PLEKHG1: variants seen among roughly 807,000 people sequenced by gnomAD.
The protein encoded by PLEKHG1 is pleckstrin homology and RhoGEF domain containing G1.
PLEKHG1 carries 44 observed loss-of-function variants against 100.8 expected under a neutral mutation model. That is an observed-to-expected ratio of 0.44 (90% confidence interval 0.34 to 0.56). PLEKHG1 has a LOEUF of 0.56. Among genes scored for constraint, PLEKHG1 ranks in the 20% least tolerant of loss-of-function variants. The pLI, the probability that PLEKHG1 is intolerant of heterozygous loss-of-function variation, is 0.01. For synonymous variants in PLEKHG1, 640 were observed against 662.5 expected (o/e 0.97, Z 0.52); for missense variants, 1,545 against 1,720.9 (o/e 0.90, Z 1.81).
At chr6:150,682,802 C>T (rs1173465575) in intron 3 of PLEKHG1, among the ~76,000 whole-genome samples, 2 of 152,122 alleles carry the variant, frequency 1.3e-5, no homozygotes, top group Non-Finnish European at 2.9e-5. Flanking sequence ...TTTTCCCTTC[C>T]TATGCATGCC....
chr6:150,727,688 C>T (rs977075553), intron 1 of PLEKHG1, among the ~76,000 whole-genome samples: 5 of 152,052 alleles, frequency 3.3e-5, no homozygotes, highest in African/African-American at 1.2e-4. Context: ...CTCTAAGGTT[C>T]CTCTATGGAT....
rs190473118 is a variant in PLEKHG1, at chr6:150,705,791, T to C, written c.-98-27793T>C. Among the ~76,000 whole-genome samples the C allele has an allele frequency of 2.0e-3, 307 of 152,356 alleles. 2 individuals carry two copies. Among genetic ancestry groups the C allele is most frequent in the African/African-American group, 7.1e-3 (296 of 41,584 alleles). On this transcript the variant is annotated intron_variant, in intron 3 of 3. Transcript: ENST00000367326. ...ATTCTTCTTCAGAAAGACTTGGGTATGTCTACAAATCCTCTTGGAGGCCTC... is the reference window on the plus strand; with the variant it reads ...ATTCTTCTTCAGAAAGACTTGGGTACGTCTACAAATCCTCTTGGAGGCCTC...
At position 150,600,059 on chromosome 6, in the gene PLEKHG1, G is replaced by A; in HGVS notation, c.-204+42G>A. On this transcript the variant is annotated intron_variant, in intron 1 of 3. Transcript: ENST00000367326. This position sits in a 1 kb window ranked among gnomAD's most constrained non-coding sequence, Gnocchi z 6.2. The stretch of plus-strand genomic sequence containing the variant: ...CCCGGACGCCCTGGGGACTTTTCCA[G>A]GGATGGGAGGGGGGACCCGGGGACC... The A allele has an allele frequency of 5.3e-6, 1 of 187,362 alleles. No individual in the cohort carries two copies. Among genetic ancestry groups the A allele is most frequent in the Non-Finnish European group, 1.2e-5 (1 of 85,760 alleles). The allele number at this position is 187,362 out of a possible 1,614,324, so 11.6% of individuals were successfully genotyped here. A position where few individuals can be genotyped will look rare whatever the true frequency, so the allele number is the denominator to read the frequency against.
chr6:150,701,930 ACT>A (rs1038045304), intron 3 of PLEKHG1, among the ~76,000 whole-genome samples: 3 of 152,080 alleles, frequency 2.0e-5, no homozygotes, highest in African/African-American at 7.2e-5. Context: ...TCAAAAGGTA[ACT>A]CTGTCAAATG....
chr6:150,636,286 T>C (rs2128564730), intron 1 of PLEKHG1, among the ~76,000 whole-genome samples: 1 of 137,976 alleles, frequency 7.2e-6, no homozygotes, highest in Non-Finnish European at 1.6e-5. Flanking sequence ...AACTCATGAC[T>C]TTTTTTAAAA....
intron 14 of PLEKHG1, among the ~76,000 whole-genome samples, chr6:150,827,116 A>G (rs1350990283): frequency 6.7e-6 from 1 of 150,160 alleles, no homozygotes. Context: ...GCTGGTCTCT[A>G]GTTTCTGGGC....
chr6:150,810,551 GA>G lies in PLEKHG1; in HGVS notation c.1278+820del, dbSNP rs1562540389. On this transcript the variant is annotated intron_variant, in intron 10 of 15. Coordinates refer to ENST00000358517, the Ensembl canonical transcript of PLEKHG1. ...GAAAGAAAGAAAGGAAGAAAGGAAG[GA>G]AAGAAAGAAAGAAAATTGAGAGATA... Among the ~76,000 whole-genome samples, 847 of 129,158 alleles carry G rather than the reference GA, an allele frequency of 6.6e-3. 22 individuals are homozygous for G. The highest frequency in any genetic ancestry group is 0.02 in the African/African-American group (681 of 34,180). 84.7% of individuals were successfully genotyped at this position (129,158 alleles called of 152,430 possible).
In PLEKHG1 at chr6:150,837,709, A is replaced by C. The variant is rs538760017; in HGVS notation, c.3095-2124A>C. On this transcript the variant is annotated intron_variant, in intron 15 of 15. Transcript: ENST00000358517. Reference sequence around the variant, plus strand: ...GTCTGCTAACTAATGACTATATTAAAGGTCCAGCTGATTTTGATTGGGTTT... The same window carrying C: ...GTCTGCTAACTAATGACTATATTAACGGTCCAGCTGATTTTGATTGGGTTT... 1.3e-4 allele frequency among the ~76,000 whole-genome samples: 20 copies of C among 152,356 alleles called. 1 individual carries two copies. In the South Asian group the frequency reaches 4.1e-3, roughly 32 times the overall value.
chr6:150,652,483 G>A (rs1313674321), intron 3 of PLEKHG1, among the ~76,000 whole-genome samples: 4 of 152,108 alleles, frequency 2.6e-5, no homozygotes, highest in African/African-American at 9.7e-5. Flanking sequence ...AGCACTTTGG[G>A]AGGCCGAGGG....
chr6:150,744,572 T>G (rs1296546983), intron 2 of PLEKHG1, among the ~76,000 whole-genome samples: 5 of 152,348 alleles, frequency 3.3e-5, no homozygotes, highest in Admixed American at 2.0e-4. Context: ...AGCTCACATC[T>G]TTTCAGAGGT....
intron 4 of PLEKHG1, among the ~76,000 whole-genome samples, chr6:150,791,646 G>T (rs1436508220): frequency 6.6e-6 from 1 of 151,078 alleles, no homozygotes; most frequent in African/African-American, 2.4e-5. Context: ...TTCCAGCCTG[G>T]GTGGCAGAGC....
At position 150,818,346 on chromosome 6, in the gene PLEKHG1, A is replaced by G. The variant is rs906582567; in HGVS notation, c.1312+130A>G. On this transcript the variant is annotated intron_variant, in intron 11 of 15. Transcript: ENST00000358517. ...ATCTCTCTATTCACTGTTTTCACAA[A>G]TTGGGTAGACAGTATAATCCCTTCT... 3 of 735,430 alleles carry G rather than the reference A, an allele frequency of 4.1e-6. No individual in the cohort carries two copies. The East Asian group carries it at 7.6e-5, about 19-fold the overall frequency. The allele number at this position is 735,430 out of a possible 1,614,324, so 45.6% of individuals were successfully genotyped here. A position where few individuals can be genotyped will look rare whatever the true frequency, so the allele number is the denominator to read the frequency against.
At chr6:150,746,123 GGA>G (rs1357972248) in intron 2 of PLEKHG1, among the ~76,000 whole-genome samples, 1 of 152,122 alleles carries the variant, frequency 6.6e-6, no homozygotes, top group African/African-American at 2.4e-5. Context: ...TGCACTCAGG[GGA>G]GACCAAGATA....
At chr6:150,730,472 A>G (rs73608799) in intron 1 of PLEKHG1, among the ~76,000 whole-genome samples, 1 of 151,828 alleles carries the variant, frequency 6.6e-6, no homozygotes, top group Non-Finnish European at 1.5e-5. Flanking sequence ...TCGTGCTCCT[A>G]TGAGAATCTA....
chr6:150,661,116 G>A (rs1364930527), intron 3 of PLEKHG1, among the ~76,000 whole-genome samples: 1 of 152,172 alleles, frequency 6.6e-6, no homozygotes, highest in Non-Finnish European at 1.5e-5. Flanking sequence ...TTCTGTGAGC[G>A]AATTTGAATG....
At chr6:150,684,787 A>G (rs928062183) in intron 3 of PLEKHG1, among the ~76,000 whole-genome samples, 4 of 151,808 alleles carry the variant, frequency 2.6e-5, no homozygotes, top group African/African-American at 9.7e-5. Flanking sequence ...TCTTACAATA[A>G]GACAGGTTTG....
intron 2 of PLEKHG1, among the ~76,000 whole-genome samples, chr6:150,645,849 T>C (rs1417374525): frequency 1.3e-5 from 2 of 152,194 alleles, no homozygotes; most frequent in Admixed American, 6.5e-5. Context: ...AAGTTCACCA[T>C]GTGTATGATG....
rs551114635 is a variant in PLEKHG1 at position 150,671,879 on chromosome 6, G to T, written c.-99+21093G>T. 3.7e-4 allele frequency among the ~76,000 whole-genome samples: 56 copies of T among 152,290 alleles called. 1 individual carries two copies. Among genetic ancestry groups the T allele is most frequent in the Non-Finnish European group, 2.8e-4 (19 of 68,032 alleles). Reference sequence around the variant, plus strand: ...TGAGGACTAGCTCTTGCACAGCCTTGCAGACCATGTTAAGGAGTTTGGTTT... The same window carrying T: ...TGAGGACTAGCTCTTGCACAGCCTTTCAGACCATGTTAAGGAGTTTGGTTT... On this transcript the variant is annotated intron_variant, in intron 3 of 3. Transcript: ENST00000367326.
chr6:150,809,273 A>G (rs1384405102), exon 8 of PLEKHG1: 3 of 1,613,886 alleles, frequency 1.9e-6, no homozygotes, highest in Non-Finnish European at 2.5e-6. Flanking sequence ...GTTTACATAC[A>G]AAGCTCACAT....
Sources: allele counts gnomAD v4.1 joint callset (sites outside exome capture counted in the v4.1 genomes callset), GRCh38; gene constraint gnomAD v4.1.1; non-coding constraint Gnocchi (gnomAD v3.1); transcripts MANE v1.5; gene names NCBI Gene and HGNC (gene_info 2026-07-23, HGNC 2026-07-21).